AGTPBP1: variants seen among roughly 807,000 people sequenced by gnomAD.
The protein encoded by AGTPBP1 is ATP/GTP binding carboxypeptidase 1.
Under a neutral mutation model 143.9 loss-of-function variants are expected in AGTPBP1, and 70 were observed. That is an observed-to-expected ratio of 0.49 (90% CI 0.40 to 0.59). The LOEUF is 0.59. AGTPBP1 is among the 20% of genes least tolerant of loss of function. AGTPBP1 has a pLI of 0.00. For missense variants in AGTPBP1, 1,229 were observed against 1,464.5 expected (o/e 0.84, Z 2.62); for synonymous variants, 463 against 500.2 (o/e 0.93, Z 0.99).
At chr9:85,692,271 GA>G (rs1357589889) in intron 3 of AGTPBP1, among the ~76,000 whole-genome samples, 1 of 147,946 alleles carries the variant, frequency 6.8e-6, no homozygotes, top group Non-Finnish European at 1.5e-5. Flanking sequence ...GAGAAAGTTT[GA>G]TTTTTTTTTT....
chr9:85,690,601 T>C (rs971523428), intron 3 of AGTPBP1, among the ~76,000 whole-genome samples: 4 of 151,486 alleles, frequency 2.6e-5, no homozygotes, highest in African/African-American at 9.7e-5. Context: ...GTACTTTCAG[T>C]GGTGGGAAGA....
chr9:85,685,872 G>A (rs1835455811), intron 3 of AGTPBP1, among the ~76,000 whole-genome samples: 1 of 151,990 alleles, frequency 6.6e-6, no homozygotes, highest in Non-Finnish European at 1.5e-5. Flanking sequence ...AAATTTACAT[G>A]AAGTAACAAT....
intron 13 of AGTPBP1, among the ~76,000 whole-genome samples, chr9:85,635,498 T>G (rs1029825928): frequency 6.6e-6 from 1 of 152,182 alleles, no homozygotes; most frequent in Non-Finnish European, 1.5e-5. Context: ...ACAGAACTAT[T>G]TACAACTTTT....
Position 85,646,425 on chromosome 9 carries a change from T to TA in AGTPBP1, c.1088-8dup. On this transcript the variant is annotated splice_polypyrimidine_tract_variant and splice_region_variant and intron_variant, in intron 11 of 25. Coordinates refer to ENST00000357081, the MANE Select transcript of AGTPBP1 (RefSeq NM_001330701.2). ...TCATCTACTACGTCATCCACTATGA[T>TA]ACAAAATGTGCTATAAGTAGGTCAG... 1 of 1,609,136 alleles carries TA rather than the reference T, an allele frequency of 6.2e-7. No individual in the cohort carries two copies. The highest frequency in any genetic ancestry group is 8.5e-7 in the Non-Finnish European group (1 of 1,176,670).
At chr9:85,775,100 C>G in the AGTPBP1 span, among the ~76,000 whole-genome samples, 77 of 152,036 alleles carry the variant, frequency 5.1e-4, no homozygotes, top group African/African-American at 1.8e-3. Flanking sequence ...CCCAGAAGTT[C>G]GAGACCAGCC....
At chr9:85,681,728 T>C (rs1651203095) in intron 3 of AGTPBP1, among the ~76,000 whole-genome samples, 1 of 150,880 alleles carries the variant, frequency 6.6e-6, no homozygotes, top group South Asian at 2.1e-4. Context: ...TTTCCAATGC[T>C]ATGATTGCAT....
At chr9:85,742,853 G>C (rs1379041057), upstream of AGTPBP1, among the ~76,000 whole-genome samples, 1 of 152,132 alleles carries the variant, frequency 6.6e-6, no homozygotes, top group African/African-American at 2.4e-5. Context: ...TTATGGTAAG[G>C]AATGTAATAT....
intron 2 of AGTPBP1, among the ~76,000 whole-genome samples, chr9:85,693,024 T>C (rs1399507980): frequency 6.6e-6 from 1 of 152,238 alleles, no homozygotes; most frequent in Non-Finnish European, 1.5e-5. Context: ...ACATTCTATT[T>C]CAGAAAACCA....
intron 24 of AGTPBP1, among the ~76,000 whole-genome samples, chr9:85,577,234 C>T (rs765202634): frequency 6.6e-6 from 1 of 152,130 alleles, no homozygotes; most frequent in South Asian, 2.1e-4. Flanking sequence ...AGCTTCTTTC[C>T]CCACTGCCCA....
Position 85,734,654 on chromosome 9 carries a change from A to C in AGTPBP1, c.-34+7121T>G, listed in dbSNP as rs1224298509. 2.0e-5 allele frequency among the ~76,000 whole-genome samples: 3 copies of C among 152,220 alleles called. No homozygotes were observed. The East Asian group carries it at 5.8e-4, about 29-fold the overall frequency. ...AGATTAGAATCTTTGTGCACTATTGATAGGAATATAAAATGGTGCAGCCAC... is the reference window on the plus strand; with the variant it reads ...AGATTAGAATCTTTGTGCACTATTGCTAGGAATATAAAATGGTGCAGCCAC... On this transcript the variant is annotated intron_variant, in intron 1 of 25. Transcript: ENST00000357081.
rs1830493434 is a variant in AGTPBP1 at position 85,614,452 on chromosome 9, A to C, written c.2335+4531T>G. On this transcript the variant is annotated intron_variant, in intron 17 of 25. Coordinates refer to ENST00000357081, the MANE Select transcript of AGTPBP1 (RefSeq NM_001330701.2). The stretch of plus-strand genomic sequence containing the variant: ...TAAAACAATAAGAAAACTAAAAAAC[A>C]TAGGTGAAGGCATAAAAAAACTTGA... Among the ~76,000 whole-genome samples, 5 of 152,106 alleles carry C rather than the reference A, an allele frequency of 3.3e-5. No homozygotes were observed. The South Asian group carries it at 1.0e-3, about 31-fold the overall frequency.
rs1554713133 is a variant in AGTPBP1, at chr9:85,639,367, G to GCGCGCACACA, written c.1302+3459_1302+3460insTGTGTGCGCG. On this transcript the variant is annotated intron_variant, in intron 13 of 25. Coordinates refer to ENST00000357081, the MANE Select transcript of AGTPBP1 (RefSeq NM_001330701.2). ...TACACACACCCATGCGCGCGCACGC[G>GCGCGCACACA]CACACACACACACACACACACACAC... Among the ~76,000 whole-genome samples the GCGCGCACACA allele has an allele frequency of 1.7e-3, 252 of 147,328 alleles. 1 individual carries two copies. The highest frequency in any genetic ancestry group is 5.0e-3 in the African/African-American group (202 of 40,556).
intron 3 of AGTPBP1, among the ~76,000 whole-genome samples, chr9:85,684,403 C>T (rs1040528361): frequency 1.3e-4 from 20 of 152,144 alleles, no homozygotes; most frequent in African/African-American, 4.6e-4. Flanking sequence ...TGAATTCCAT[C>T]CTTTCTACCT....
chr9:85,781,440 T>C, the AGTPBP1 span: 2 of 1,350,690 alleles, frequency 1.5e-6, no homozygotes, highest in Non-Finnish European at 2.0e-6. Flanking sequence ...CTTTGTAGTG[T>C]AGCCTTTACC....
At chr9:85,658,049 T>C (rs2133957008) in intron 9 of AGTPBP1, among the ~76,000 whole-genome samples, 1 of 152,278 alleles carries the variant, frequency 6.6e-6, no homozygotes, top group South Asian at 2.1e-4. Flanking sequence ...AGATCTGCTA[T>C]CATTTTTATA....
At chr9:85,681,151 G>A (rs1835144560) in intron 4 of AGTPBP1, 117 bp downstream of exon 4, 2 of 864,464 alleles carry the variant, frequency 2.3e-6, no homozygotes, top group Admixed American at 2.8e-5. Context: ...ACGTGTGTGT[G>A]TATATATGTA....
chr9:85,553,750 T>C (rs1038949921), intron 25 of AGTPBP1: 1 of 152,222 alleles, frequency 6.6e-6, no homozygotes, highest in Non-Finnish European at 1.5e-5. Flanking sequence ...CTGAAACCAT[T>C]ATATTCTATT....
chr9:85,581,441 T>C (rs978763256), intron 23 of AGTPBP1, among the ~76,000 whole-genome samples: 2 of 152,232 alleles, frequency 1.3e-5, no homozygotes, highest in Non-Finnish European at 2.9e-5. Flanking sequence ...AAAATTCATA[T>C]GAAGGCTATA....
In AGTPBP1 at chr9:85,737,282, T is replaced by TG. The variant is rs1823864212; in HGVS notation, c.-34+4492_-34+4493insC. Among the ~76,000 whole-genome samples, 3 of 152,222 alleles carry TG rather than the reference T, an allele frequency of 2.0e-5. No individual in the cohort carries two copies. The South Asian group carries it at 6.2e-4, about 31-fold the overall frequency. On this transcript the variant is annotated intron_variant, in intron 1 of 25. Transcript: ENST00000357081. ...TGATGGCTGTCTCAAAGTAAAGTGCTTCTGTAACTGAATTGACAGCTTGAA... is the reference window on the plus strand; with the variant it reads ...TGATGGCTGTCTCAAAGTAAAGTGCTGTCTGTAACTGAATTGACAGCTTGAA...
Sources: gnomAD v4.1 joint callset for allele counts (sites outside exome capture counted in the v4.1 genomes callset) on GRCh38, gnomAD v4.1.1 for gene constraint, MANE v1.5 for transcripts, NCBI Gene and HGNC (gene_info 2026-07-23, HGNC 2026-07-21) for gene names.